Variants in NBEAL1 observed in about 807,000 individuals in gnomAD.
The protein encoded by NBEAL1 is neurobeachin like 1, also known as neurobeachin-like protein 1.
NBEAL1 carries 273 observed loss-of-function variants against 351.3 expected under a neutral mutation model. The observed-to-expected ratio is 0.78, with a 90% CI of 0.70 to 0.86. NBEAL1 has a LOEUF of 0.86. Ranked by LOEUF, NBEAL1 falls within the 40% of genes least tolerant of loss-of-function variation. The pLI, the probability that NBEAL1 is intolerant of heterozygous loss-of-function variation, is 0.00. For synonymous variants in NBEAL1, 1,050 were observed against 1,086.4 expected, an observed-to-expected ratio of 0.97 and a Z score of 0.66; for missense variants, 2,961 against 3,201.3, an observed-to-expected ratio of 0.92 and a Z score of 1.81.
At chr2:203,202,845 T>C in intron 51 of NBEAL1, 64 bp downstream of exon 51, 1 of 889,994 alleles carries the variant, frequency 1.1e-6, no homozygotes. Context: ...ACTAGCAAAA[T>C]GTTCTACTAG....
chr2:203,103,128 G>C (rs2106219122), intron 12 of NBEAL1, among the ~76,000 whole-genome samples: 1 of 152,086 alleles, frequency 6.6e-6, no homozygotes, highest in East Asian at 1.9e-4. Context: ...TGGGTTTTTT[G>C]TATCCTGTGG....
chr2:203,114,356 G>T (rs1481376409), intron 17 of NBEAL1, among the ~76,000 whole-genome samples: 4 of 152,158 alleles, frequency 2.6e-5, no homozygotes, highest in Non-Finnish European at 5.9e-5. Flanking sequence ...AAGAAATTAT[G>T]TAACTGCTTC....
At chr2:203,196,514 A>G (rs1383079009) in intron 47 of NBEAL1, among the ~76,000 whole-genome samples, 1 of 152,198 alleles carries the variant, frequency 6.6e-6, no homozygotes, top group Non-Finnish European at 1.5e-5. Flanking sequence ...TTCAGGTACC[A>G]TTTTCATTTT....
Position 203,119,424 on chromosome 2 carries a change from C to CTTTTTTTTTTTTTTTTTTTTTTTTTT in NBEAL1, c.2593-2810_2593-2809insTTTTTTTTTTTTTTTTTTTTTTTTTT, listed in dbSNP as rs57126638. Among the ~76,000 whole-genome samples the CTTTTTTTTTTTTTTTTTTTTTTTTTT allele has an allele frequency of 1.4e-3, 96 of 66,652 alleles. 26 individuals carry two copies. Among genetic ancestry groups the CTTTTTTTTTTTTTTTTTTTTTTTTTT allele is most frequent in the East Asian group, 7.0e-3 (10 of 1,434 alleles). The allele number at this position is 66,652 out of a possible 152,430, so 43.7% of individuals were successfully genotyped here. A position where few individuals can be genotyped will look rare whatever the true frequency, so the allele number is the denominator to read the frequency against. On this transcript the variant is annotated intron_variant, in intron 18 of 55. Transcript: ENST00000683969. ...GTGAGCCACTGCATACGGCCTGTTG[C>CTTTTTTTTTTTTTTTTTTTTTTTTTT]TTTTTTTTTTTTTTTTTTTTGAGAC...
intron 50 of NBEAL1, among the ~76,000 whole-genome samples, chr2:203,202,116 T>A (rs565012383): frequency 2.0e-5 from 3 of 152,334 alleles, no homozygotes; most frequent in East Asian, 3.9e-4. Context: ...TACTTCTTAG[T>A]GTATTAGTCT....
At chr2:203,078,291 G>T (rs1371314937) in intron 8 of NBEAL1, among the ~76,000 whole-genome samples, 3 of 151,894 alleles carry the variant, frequency 2.0e-5, no homozygotes, top group Admixed American at 6.6e-5. Context: ...TTACAAAAAA[G>T]AATTTCTAGT....
intron 48 of NBEAL1, among the ~76,000 whole-genome samples, chr2:203,199,115 C>T (rs2065320757): frequency 6.6e-6 from 1 of 152,276 alleles, no homozygotes; most frequent in Admixed American, 6.5e-5. Context: ...GTGCTCCAGC[C>T]TGGGCAACAG....
At chr2:203,064,545 A>T (rs1425803593) in intron 6 of NBEAL1, among the ~76,000 whole-genome samples, 1 of 152,218 alleles carries the variant, frequency 6.6e-6, no homozygotes, top group Non-Finnish European at 1.5e-5. Flanking sequence ...TTCATTGCTT[A>T]TGTGTTATTC....
At chr2:203,198,599 C>G (rs2065303301) in intron 48 of NBEAL1, among the ~76,000 whole-genome samples, 1 of 152,092 alleles carries the variant, frequency 6.6e-6, no homozygotes, top group African/African-American at 2.4e-5. Flanking sequence ...AGCGCAGTGG[C>G]TCACACCTGT....
chr2:203,105,238 G>A (rs949415060), intron 12 of NBEAL1, among the ~76,000 whole-genome samples: 4 of 151,878 alleles, frequency 2.6e-5, no homozygotes, highest in South Asian at 2.1e-4. Flanking sequence ...TGAGGCAGGC[G>A]GATCATGAGT....
chr2:203,088,149 T>A (rs376015248), intron 10 of NBEAL1, among the ~76,000 whole-genome samples: 155 of 152,344 alleles, frequency 1.0e-3, no homozygotes, highest in Non-Finnish European at 9.4e-4. Context: ...TATTAAATGA[T>A]ATAAACTCCA....
intron 18 of NBEAL1, among the ~76,000 whole-genome samples, chr2:203,117,077 G>T (rs2062716959): frequency 6.6e-6 from 1 of 152,018 alleles, no homozygotes; most frequent in South Asian, 2.1e-4. Context: ...TCTCCAGCCT[G>T]GGTGACAGAC....
chr2:203,143,626 G>A (rs543517991), intron 31 of NBEAL1, among the ~76,000 whole-genome samples: 6 of 152,134 alleles, frequency 3.9e-5, no homozygotes, highest in Non-Finnish European at 8.8e-5. Context: ...ATAGCAATTA[G>A]GGCTGTATGC....
intron 33 of NBEAL1, among the ~76,000 whole-genome samples, chr2:203,148,556 A>T (rs553398028): frequency 5.9e-5 from 9 of 152,198 alleles, no homozygotes; most frequent in Non-Finnish European, 1.3e-4. Flanking sequence ...ATAAGCATTA[A>T]TTTCACAGAT....
intron 2 of NBEAL1, among the ~76,000 whole-genome samples, chr2:203,018,238 CT>C (rs1443144449): frequency 2.8e-4 from 40 of 141,030 alleles, no homozygotes; most frequent in Non-Finnish European, 3.5e-4. Flanking sequence ...AACCAGCTGA[CT>C]TTTTTTTTTT....
intron 24 of NBEAL1, among the ~76,000 whole-genome samples, chr2:203,128,601 CT>C (rs35686158): frequency 2.1e-4 from 29 of 139,340 alleles, no homozygotes; most frequent in Admixed American, 5.1e-4. Flanking sequence ...AGATTTCTTT[CT>C]TTTTTTTTTT....
rs1410408732 is a variant in NBEAL1, at chr2:203,138,724, A to G, written c.4824A>G (p.Gly1608=). 19 of 1,612,478 alleles carry G rather than the reference A, an allele frequency of 1.2e-5. No individual in the cohort carries two copies. Among genetic ancestry groups the G allele is most frequent in the Non-Finnish European group, 1.4e-5 (17 of 1,179,552 alleles). ...LSQIQIQLLL[G]FIGRGNLQVC... ...AAATTCAGATCCAGTTGCTTCTAGG[A>G]TTCATTGGAAGGGGTAATTTGCAGG... Residue 1608 remains glycine, a synonymous_variant, in exon 31 of 56, where the codon GGA becomes GGG. Transcript: ENST00000683969.
chr2:203,152,352 GA>G (rs200515736), intron 35 of NBEAL1, among the ~76,000 whole-genome samples: 24,262 of 124,744 alleles, frequency 0.19, 2,346 homozygotes, highest in East Asian at 0.55. Context: ...CCTTTTTCTA[GA>G]AAAAAAAAAA....
chr2:203,187,757 AT>A (rs959721230), intron 44 of NBEAL1, among the ~76,000 whole-genome samples: 1 of 151,752 alleles, frequency 6.6e-6, no homozygotes, highest in African/African-American at 2.4e-5. Context: ...AAAAAAAAAA[AT>A]CAAATAGTTC....
Sources: gnomAD v4.1 joint callset for allele counts (sites outside exome capture counted in the v4.1 genomes callset) on GRCh38, gnomAD v4.1.1 for gene constraint, MANE v1.5 for transcripts, NCBI Gene and HGNC (gene_info 2026-07-23, HGNC 2026-07-21) for gene names.